RRAS2: variants seen among roughly 807,000 people sequenced by gnomAD.
RRAS2 encodes RAS related 2, also known as ras-related protein R-Ras2.
RRAS2 carries 7 observed loss-of-function variants against 27.6 expected under a neutral mutation model. That is an observed-to-expected ratio of 0.25 (90% CI 0.14 to 0.48). RRAS2 has a LOEUF of 0.48. Ranked by LOEUF, RRAS2 falls within the 20% of genes least tolerant of loss-of-function variation. RRAS2 has a pLI of 0.99. For synonymous variants in RRAS2, 86 were observed against 90.9 expected (o/e 0.95, Z 0.31); for missense variants, 178 against 256.2 (o/e 0.69, Z 2.08).
At chr11:14,299,767 G>A (rs1213611257) in intron 1 of RRAS2, among the ~76,000 whole-genome samples, 1 of 152,150 alleles carries the variant, frequency 6.6e-6, no homozygotes, top group African/African-American at 2.4e-5. Flanking sequence ...CAGTAGTTGA[G>A]GTATTACTGG....
intron 4 of RRAS2, among the ~76,000 whole-genome samples, chr11:14,290,045 G>A (rs990869812): frequency 3.9e-5 from 6 of 152,122 alleles, no homozygotes; most frequent in Non-Finnish European, 7.3e-5. Context: ...CTGAACAGGC[G>A]GAAAGAAGCT....
At chr11:14,283,902 C>A (rs925464150) in intron 4 of RRAS2, among the ~76,000 whole-genome samples, 6 of 152,008 alleles carry the variant, frequency 3.9e-5, no homozygotes, top group Non-Finnish European at 7.4e-5. Context: ...CTATGTTACC[C>A]AGGATGGTCT....
At chr11:14,342,604 C>T (rs932896471) in intron 1 of RRAS2, among the ~76,000 whole-genome samples, 1 of 152,052 alleles carries the variant, frequency 6.6e-6, no homozygotes, top group Non-Finnish European at 1.5e-5. Context: ...AAAATACAAA[C>T]CAAAGTTCAT....
At position 14,286,084 on chromosome 11, in the gene RRAS2, G is replaced by GT. The variant is rs1355955285; in HGVS notation, c.409-4365dup. Among the ~76,000 whole-genome samples, 4 of 152,214 alleles carry GT rather than the reference G, an allele frequency of 2.6e-5. No individual in the cohort carries two copies. The East Asian group carries it at 7.7e-4, about 29-fold the overall frequency. ...ACTTCTGAAAGTTTGATTTGGATCTGTTTACACCTTTCATGTCTCTAACAT... is the reference window on the plus strand; with the variant it reads ...ACTTCTGAAAGTTTGATTTGGATCTGTTTTACACCTTTCATGTCTCTAACAT... On this transcript the variant is annotated intron_variant, in intron 4 of 5. Coordinates refer to ENST00000256196, the MANE Select transcript of RRAS2 (RefSeq NM_012250.6).
At chr11:14,311,582 G>A (rs1325434597) in intron 1 of RRAS2, among the ~76,000 whole-genome samples, 2 of 151,966 alleles carry the variant, frequency 1.3e-5, no homozygotes, top group Non-Finnish European at 2.9e-5. Context: ...GGCCAGGCTG[G>A]TCTTGAATTC....
chr11:14,308,831 G>T (rs1847890040), intron 1 of RRAS2, among the ~76,000 whole-genome samples: 1 of 152,148 alleles, frequency 6.6e-6, no homozygotes, highest in Non-Finnish European at 1.5e-5. Flanking sequence ...GAAGTAAAGA[G>T]CATGTATTTT....
chr11:14,337,693 T>C (rs1405662303), intron 1 of RRAS2, among the ~76,000 whole-genome samples: 4 of 152,158 alleles, frequency 2.6e-5, no homozygotes. Context: ...ACAGGATATG[T>C]AGGGTTCAAT....
intron 1 of RRAS2, among the ~76,000 whole-genome samples, chr11:14,313,788 G>A (rs1848032439): frequency 6.6e-6 from 1 of 152,150 alleles, no homozygotes; most frequent in Non-Finnish European, 1.5e-5. Flanking sequence ...GAATCAACCA[G>A]CACGACAACA....
intron 5 of RRAS2, among the ~76,000 whole-genome samples, chr11:14,280,175 T>C (rs1177947338): frequency 6.6e-6 from 1 of 152,160 alleles, no homozygotes; most frequent in East Asian, 1.9e-4. Context: ...TAATCATTTT[T>C]AAGTATACAA....
intron 4 of RRAS2, among the ~76,000 whole-genome samples, chr11:14,290,683 A>G (rs1481471902): frequency 6.6e-6 from 1 of 152,196 alleles, no homozygotes; most frequent in East Asian, 1.9e-4. Context: ...ATGTGCTTCA[A>G]AAAGGAAGTG....
At chr11:14,283,551 G>A (rs1418400713) in intron 4 of RRAS2, among the ~76,000 whole-genome samples, 1 of 152,066 alleles carries the variant, frequency 6.6e-6, no homozygotes, top group African/African-American at 2.4e-5. Context: ...TTTTCTTTGA[G>A]GTACGTTTTT....
At chr11:14,281,839 G>A (rs1591439825) in intron 4 of RRAS2, 119 bp from the exon 5 acceptor site, 5 of 802,124 alleles carry the variant, frequency 6.2e-6, no homozygotes, top group South Asian at 1.7e-5. Flanking sequence ...TTATCATAAG[G>A]TGAAACAACA....
At chr11:14,353,464 C>T (rs1849007473) in intron 1 of RRAS2, among the ~76,000 whole-genome samples, 1 of 152,048 alleles carries the variant, frequency 6.6e-6, no homozygotes, top group Non-Finnish European at 1.5e-5. Context: ...ACATGCCTGT[C>T]TATAATCCCA....
In RRAS2 at chr11:14,293,124, A is replaced by AGTATATATATATAT. The variant is rs1376616443; in HGVS notation, c.408+1346_408+1347insATATATATATATAC. The stretch of plus-strand genomic sequence containing the variant: ...CTCCGTCTCAAAACAAAACAAAACA[A>AGTATATATATATAT]ATATATATATATATATATATATATA... On this transcript the variant is annotated intron_variant, in intron 4 of 5. Transcript: ENST00000256196. Among the ~76,000 whole-genome samples the AGTATATATATATAT allele has an allele frequency of 1.2e-3, 91 of 76,792 alleles. 5 individuals carry two copies. The highest frequency in any genetic ancestry group is 1.6e-3 in the African/African-American group (25 of 16,002). 50.4% of individuals were successfully genotyped at this position (76,792 alleles called of 152,430 possible).
chr11:14,349,066 C>T (rs1320511944), intron 1 of RRAS2, among the ~76,000 whole-genome samples: 2 of 152,072 alleles, frequency 1.3e-5, no homozygotes, highest in African/African-American at 2.4e-5. Flanking sequence ...CCCAGGTTCA[C>T]GCCATTCTCC....
At chr11:14,346,699 AC>A (rs1324697514) in intron 1 of RRAS2, among the ~76,000 whole-genome samples, 2 of 152,246 alleles carry the variant, frequency 1.3e-5, no homozygotes, top group Non-Finnish European at 2.9e-5. Flanking sequence ...AATATATTGT[AC>A]TCTTGTAAAA....
chr11:14,301,364 T>C (rs557230554), intron 1 of RRAS2, among the ~76,000 whole-genome samples: 5 of 152,352 alleles, frequency 3.3e-5, no homozygotes, highest in Admixed American at 1.3e-4. Context: ...CTACACATCA[T>C]GTAGAAGGCT....
At chr11:14,323,653 G>C (rs1416095710) in intron 1 of RRAS2, among the ~76,000 whole-genome samples, 1 of 151,994 alleles carries the variant, frequency 6.6e-6, no homozygotes, top group Non-Finnish European at 1.5e-5. Context: ...GAATAGAAAA[G>C]GAGGAAATAC....
chr11:14,282,658 G>GA (rs1554944505), intron 4 of RRAS2, among the ~76,000 whole-genome samples: 22 of 100,738 alleles, frequency 2.2e-4, no homozygotes, highest in African/African-American at 7.9e-4. Context: ...CAAATTGGGG[G>GA]GAAAAAAAAA....
Sources: allele counts gnomAD v4.1 joint callset (sites outside exome capture counted in the v4.1 genomes callset), GRCh38; gene constraint gnomAD v4.1.1; transcripts MANE v1.5; gene names NCBI Gene and HGNC (gene_info 2026-07-23, HGNC 2026-07-21).